ZBBX: variants seen among roughly 807,000 people sequenced by gnomAD.
The protein encoded by ZBBX is zinc finger B-box domain-containing protein 1.
A neutral mutation model predicts 108.5 loss-of-function variants in ZBBX; 101 were observed. The observed-to-expected ratio is 0.93, with a 90% confidence interval of 0.79 to 1.10. The LOEUF (loss-of-function observed/expected upper bound fraction) is 1.10. ZBBX is among the 50% of genes least tolerant of loss of function. ZBBX has a pLI of 0.00. For missense variants in ZBBX, 1,009 were observed against 941.4 expected (o/e 1.07, Z -0.94); for synonymous variants, 356 against 323.4 (o/e 1.10, Z -1.08).
At chr3:167,197,577 C>T in the ZBBX span, among the ~76,000 whole-genome samples, 5 of 151,990 alleles carry the variant, frequency 3.3e-5, no homozygotes, top group East Asian at 7.7e-4. Context: ...TAAAATGTAA[C>T]TTGTCACTTC....
intron 8 of ZBBX, among the ~76,000 whole-genome samples, chr3:167,358,799 G>A (rs1045487023): frequency 6.6e-6 from 1 of 151,898 alleles, no homozygotes; most frequent in Non-Finnish European, 1.5e-5. Context: ...AGCTGGGCGT[G>A]GTGACGCGTG....
chr3:167,225,126 T>C, the ZBBX span, among the ~76,000 whole-genome samples: 1 of 151,746 alleles, frequency 6.6e-6, no homozygotes, highest in Non-Finnish European at 1.5e-5. Flanking sequence ...AGAGAAACTG[T>C]GGAATTTCAT....
chr3:167,322,895 A>G (rs1736683164), intron 11 of ZBBX, among the ~76,000 whole-genome samples: 1 of 152,116 alleles, frequency 6.6e-6, no homozygotes, highest in Admixed American at 6.6e-5. Flanking sequence ...ATCAAGGGAA[A>G]TAGTAAAGAT....
chr3:167,323,365 G>T (rs757625211), intron 11 of ZBBX, among the ~76,000 whole-genome samples: 15 of 151,942 alleles, frequency 9.9e-5, no homozygotes, highest in Non-Finnish European at 2.2e-4. Context: ...CAGCTGGCCC[G>T]TGATTCACTT....
intron 20 of ZBBX, among the ~76,000 whole-genome samples, chr3:167,267,268 G>A (rs1333382003): frequency 6.6e-6 from 1 of 152,142 alleles, no homozygotes; most frequent in Admixed American, 6.5e-5. Flanking sequence ...CATCCAGAGT[G>A]GACGAAGCTA....
intron 20 of ZBBX, among the ~76,000 whole-genome samples, chr3:167,243,418 G>A (rs1721022714): frequency 6.8e-6 from 1 of 147,848 alleles, no homozygotes. Flanking sequence ...TTTTTTTTTA[G>A]ACAGAATTTC....
chr3:167,390,882 G>A (rs893615220), intron 1 of ZBBX, among the ~76,000 whole-genome samples: 2 of 151,914 alleles, frequency 1.3e-5, no homozygotes, highest in African/African-American at 4.8e-5. Context: ...AAGCAGTTTT[G>A]GGGCTGAGAC....
At chr3:167,225,676 C>G in the ZBBX span, among the ~76,000 whole-genome samples, 1 of 151,730 alleles carries the variant, frequency 6.6e-6, no homozygotes, top group South Asian at 2.1e-4. Flanking sequence ...ACTCAAACTA[C>G]TGCCTCAGTC....
the ZBBX span, among the ~76,000 whole-genome samples, chr3:167,210,088 T>TTAAAATAAAATAAAA: frequency 7.9e-5 from 12 of 152,014 alleles, no homozygotes; most frequent in East Asian, 3.9e-4. Flanking sequence ...AGACTTGGTC[T>TTAAAATAAAATAAAA]TAAAATAAAA....
chr3:167,399,072 G>C (rs1748338633), intron 1 of ZBBX, among the ~76,000 whole-genome samples: 1 of 150,400 alleles, frequency 6.6e-6, no homozygotes, highest in African/African-American at 2.4e-5. Context: ...CACCAAGAAG[G>C]CTCTCACCGG....
At chr3:167,346,707 A>G (rs1460126089) in intron 9 of ZBBX, among the ~76,000 whole-genome samples, 1 of 151,912 alleles carries the variant, frequency 6.6e-6, no homozygotes, top group African/African-American at 2.4e-5. Context: ...ACAATAAAAA[A>G]CAAAAACCAC....
intron 20 of ZBBX, among the ~76,000 whole-genome samples, chr3:167,276,253 C>T (rs559539486): frequency 1.6e-3 from 247 of 152,300 alleles, no homozygotes; most frequent in South Asian, 3.3e-3. Flanking sequence ...ATGACTTTGA[C>T]GAGCTGAGAG....
At chr3:167,374,564 A>G (rs1358656034) in intron 2 of ZBBX, among the ~76,000 whole-genome samples, 20 of 152,158 alleles carry the variant, frequency 1.3e-4, no homozygotes, top group Admixed American at 1.3e-3. Flanking sequence ...ATGTGTTCCT[A>G]TGTGTGTGCT....
At position 167,334,016 on chromosome 3, in the gene ZBBX, G is replaced by A. The variant is rs73879672; in HGVS notation, c.529-31C>T. 4,231 of 1,417,250 alleles carry A rather than the reference G, an allele frequency of 3.0e-3. 83 individuals carry two copies. The African/African-American group carries it at 0.046, about 16-fold the overall frequency. 87.8% of individuals were successfully genotyped at this position (1,417,250 alleles called of 1,614,324 possible). ...AAAAAAGTAACAATATAATTAAAGC[G>A]CCTCATATGTTAACCTAAATAATTT... On this transcript the variant is annotated intron_variant, in intron 9 of 21. Coordinates refer to ENST00000675490, the MANE Select transcript of ZBBX (RefSeq NM_001199201.2).
At chr3:167,378,812 C>T (rs1381697431) in intron 2 of ZBBX, among the ~76,000 whole-genome samples, 1 of 152,200 alleles carries the variant, frequency 6.6e-6, no homozygotes, top group Non-Finnish European at 1.5e-5. Context: ...ACTCAATGCT[C>T]AATTCGAAGG....
chr3:167,397,142 T>TAAAAAAAAAAAAA lies in ZBBX; in HGVS notation c.-446+10571_-446+10583dup, dbSNP rs61671930. ...GTCGTGAAGAAGAGGTTCTTGGTGG[T>TAAAAAAAAAAAAA]AAAAAAAAAAAAAAAAAAAAAAAAT... is the stretch of plus-strand genomic sequence containing the variant. On this transcript the variant is annotated intron_variant, in intron 1 of 21. Coordinates refer to the ZBBX transcript ENST00000455345. 1.4e-3 allele frequency among the ~76,000 whole-genome samples: 101 copies of TAAAAAAAAAAAAA among 72,386 alleles called. 7 individuals carry two copies. Among genetic ancestry groups the TAAAAAAAAAAAAA allele is most frequent in the East Asian group, 4.9e-3 (13 of 2,630 alleles). 47.5% of individuals were successfully genotyped at this position (72,386 alleles called of 152,430 possible).
At chr3:167,259,364 T>C (rs758041226) in intron 20 of ZBBX, among the ~76,000 whole-genome samples, 2 of 152,216 alleles carry the variant, frequency 1.3e-5, no homozygotes, top group Non-Finnish European at 2.9e-5. Context: ...TTCTCTCTTC[T>C]TTTCTTGGTT....
intron 8 of ZBBX, among the ~76,000 whole-genome samples, chr3:167,358,702 A>G (rs1395107666): frequency 6.6e-6 from 1 of 151,902 alleles, no homozygotes; most frequent in East Asian, 1.9e-4. Context: ...TTTGGGAGGC[A>G]GAGGCAGGCG....
chr3:167,335,988 A>G (rs1033728359), intron 9 of ZBBX, among the ~76,000 whole-genome samples: 4 of 152,086 alleles, frequency 2.6e-5, no homozygotes, highest in African/African-American at 9.7e-5. Flanking sequence ...TTTAAAACAG[A>G]ATAATCCAAA....
Sources: allele counts gnomAD v4.1 joint callset (sites outside exome capture counted in the v4.1 genomes callset), GRCh38; gene constraint gnomAD v4.1.1; transcripts MANE v1.5; gene names NCBI Gene and HGNC (gene_info 2026-07-23, HGNC 2026-07-21).